The following CELF2 variants were observed in gnomAD, a reference collection of about 807,000 sequenced individuals.
CELF2 encodes CUGBP Elav-like family member 2, also known as CUG triplet repeat RNA-binding protein 2.
In CELF2, 8 loss-of-function variants were observed where a neutral mutation model predicts 62.6. That is an observed-to-expected ratio of 0.13 (90% CI 0.07 to 0.23). The LOEUF is 0.23. Among genes scored for constraint, CELF2 ranks in the 10% least tolerant of loss-of-function variants. The probability of loss-of-function intolerance (pLI) is 1.00; values close to 1 mark genes in which losing one functional copy is unlikely to be tolerated. For synonymous variants in CELF2, 258 were observed against 250.0 expected, an observed-to-expected ratio of 1.03 and a Z score of -0.30; for missense variants, 333 against 671.0, an observed-to-expected ratio of 0.50 and a Z score of 5.56.
chr10:10,650,770 C>T, the CELF2 span, among the ~76,000 whole-genome samples: 2 of 152,176 alleles, frequency 1.3e-5, no homozygotes, highest in Non-Finnish European at 2.9e-5. Context: ...AAAGTTTTAG[C>T]GTTCCTCAAA....
rs1007988859 is a variant in CELF2, at chr10:11,217,093, C to T, written c.272-332C>T. 6.6e-6 allele frequency among the ~76,000 whole-genome samples: 1 copy of T among 152,200 alleles called. No individual in the cohort carries two copies. Among genetic ancestry groups the T allele is most frequent in the Non-Finnish European group, 1.5e-5 (1 of 68,034 alleles). On this transcript the variant is annotated intron_variant, in intron 2 of 12. Coordinates refer to ENST00000633077, the MANE Select transcript of CELF2 (RefSeq NM_001326342.2). The surrounding 1 kb of genome is among the most constrained non-coding windows in gnomAD (Gnocchi z 5.6). ...GTGCTGTTGTTATTGTGATTAAATGCTTCTCTTCACGTAGGTGCTATAACA... is the reference window on the plus strand; with the variant it reads ...GTGCTGTTGTTATTGTGATTAAATGTTTCTCTTCACGTAGGTGCTATAACA...
rs138642827 is a variant in CELF2 at position 10,875,576 on chromosome 10, G to A, written c.54-44388G>A. On this transcript the variant is annotated intron_variant, in intron 1 of 13. Transcript: ENST00000636488. ...TCGCTTTGTTTACTGTAGCGTAGGA[G>A]GGTTGTTTCTCCTCTTCCCTCTTTC... 3.6e-3 allele frequency among the ~76,000 whole-genome samples: 541 copies of A among 152,294 alleles called. 2 individuals are homozygous for A. The highest frequency in any genetic ancestry group is 6.8e-3 in the Middle Eastern group (2 of 294).
At chr10:11,030,440 A>T (rs953640475) in intron 1 of CELF2, 1 of 152,032 alleles carries the variant, frequency 6.6e-6, no homozygotes, top group Admixed American at 6.5e-5. Flanking sequence ...CTGAGGATGC[A>T]CCTCTGTTCC....
chr10:10,715,905 T>G, the CELF2 span, among the ~76,000 whole-genome samples: 3 of 152,238 alleles, frequency 2.0e-5, no homozygotes, highest in Non-Finnish European at 4.4e-5. Context: ...TGTGAAATAT[T>G]GAACCTTTCT....
intron 2 of CELF2, among the ~76,000 whole-genome samples, chr10:10,932,523 A>C (rs1451209253): frequency 6.6e-6 from 1 of 152,224 alleles, no homozygotes; most frequent in Non-Finnish European, 1.5e-5. Context: ...AATATGGGAA[A>C]GTTTTACCTT....
intron 2 of CELF2, among the ~76,000 whole-genome samples, chr10:10,962,943 C>T (rs1389035303): frequency 1.3e-5 from 2 of 152,104 alleles, no homozygotes; most frequent in African/African-American, 2.4e-5. Flanking sequence ...TTTCATCAAA[C>T]GTGCAATGCC....
At position 11,255,109 on chromosome 10, in the gene CELF2, G is replaced by T. The variant is rs1187882913; in HGVS notation, c.404-2629G>T. Among the ~76,000 whole-genome samples, 1 of 152,210 alleles carries T rather than the reference G, an allele frequency of 6.6e-6. No individual in the cohort carries two copies. The highest frequency in any genetic ancestry group is 2.4e-5 in the African/African-American group (1 of 41,442). On this transcript the variant is annotated intron_variant, in intron 4 of 12. Transcript: ENST00000633077. This position sits in a 1 kb window ranked among gnomAD's most constrained non-coding sequence, Gnocchi z 5.5. ...TCTCTCTGGCTTAGCTGTCGCGCCT[G>T]TGCTGCCCATGACTGACCAGGCTTC...
intron 1 of CELF2, among the ~76,000 whole-genome samples, chr10:11,155,846 C>G (rs1181018565): frequency 1.3e-5 from 2 of 152,228 alleles, no homozygotes; most frequent in Admixed American, 6.5e-5. Context: ...CTTCCTTAGC[C>G]TGGCGTTTCA....
intron 2 of CELF2, among the ~76,000 whole-genome samples, chr10:11,216,483 T>C (rs1312867588): frequency 1.3e-5 from 2 of 152,216 alleles, no homozygotes; most frequent in African/African-American, 4.8e-5. Flanking sequence ...GTTAGCATCT[T>C]TGTTTCTTAA....
the CELF2 span, among the ~76,000 whole-genome samples, chr10:10,485,766 GTCTC>G: frequency 6.6e-6 from 1 of 152,136 alleles, no homozygotes; most frequent in East Asian, 1.9e-4. Context: ...GGATTTAACT[GTCTC>G]TATCCTATCC....
At position 11,255,356 on chromosome 10, in the gene CELF2, A is replaced by G. The variant is rs974964187; in HGVS notation, c.404-2382A>G. Among the ~76,000 whole-genome samples the G allele has an allele frequency of 9.9e-5, 15 of 152,124 alleles. No individual in the cohort carries two copies. The highest frequency in any genetic ancestry group is 3.4e-4 in the African/African-American group (14 of 41,426). On this transcript the variant is annotated intron_variant, in intron 4 of 12. Coordinates refer to ENST00000633077, the MANE Select transcript of CELF2 (RefSeq NM_001326342.2). This position sits in a 1 kb window ranked among gnomAD's most constrained non-coding sequence, Gnocchi z 5.5. ...TCCTCACTGAGCTCCTTCTCTGCAC[A>G]TGAAGCGGAAGATGGGGCGTGCCAT...
chr10:10,665,715 A>G, the CELF2 span, among the ~76,000 whole-genome samples: 1 of 152,250 alleles, frequency 6.6e-6, no homozygotes, highest in African/African-American at 2.4e-5. Flanking sequence ...CTATAATTTT[A>G]CAAGTCACTT....
intron 3 of CELF2, among the ~76,000 whole-genome samples, chr10:11,241,807 G>A (rs547509591): frequency 1.1e-4 from 16 of 152,128 alleles, no homozygotes; most frequent in Admixed American, 2.0e-4. Context: ...AGAAGGTCTC[G>A]TGGTGGGGCA....
rs370768529 is a variant in CELF2 at position 10,816,788 on chromosome 10, A to C, written c.53+17971A>C. Among the ~76,000 whole-genome samples, 34 of 152,360 alleles carry C rather than the reference A, an allele frequency of 2.2e-4. No homozygotes were observed. In the East Asian group the frequency reaches 3.8e-3, roughly 17 times the overall value. ...GTAACGATTTGGTTTAGTATGGTCC[A>C]GGTTCAGGTAATGGATTAAAGTTAA... On this transcript the variant is annotated intron_variant, in intron 1 of 13. Coordinates refer to the CELF2 transcript ENST00000636488.
rs2095866863 is a variant in CELF2, at chr10:11,328,429, G to A, written c.1439-497G>A. On this transcript the variant is annotated intron_variant, in intron 12 of 12. Transcript: ENST00000633077. This position sits in a 1 kb window ranked among gnomAD's most constrained non-coding sequence, Gnocchi z 6.4. ...TGGAGAGCTCGAGTGACAGGCTGGGGCTTGGCAGTATCTGCTGTTCTCCAG... is the reference window on the plus strand; with the variant it reads ...TGGAGAGCTCGAGTGACAGGCTGGGACTTGGCAGTATCTGCTGTTCTCCAG... 6.6e-6 allele frequency among the ~76,000 whole-genome samples: 1 copy of A among 152,168 alleles called. No homozygotes were observed. Among genetic ancestry groups the A allele is most frequent in the African/African-American group, 2.4e-5 (1 of 41,432 alleles).
chr10:11,228,112 C>T (rs1178791437), intron 3 of CELF2, among the ~76,000 whole-genome samples: 1 of 152,174 alleles, frequency 6.6e-6, no homozygotes, highest in African/African-American at 2.4e-5. Flanking sequence ...AATGTCAGAA[C>T]AGTAGTCACA....
chr10:11,028,892 T>C (rs759489450), intron 1 of CELF2, among the ~76,000 whole-genome samples: 30 of 152,032 alleles, frequency 2.0e-4, no homozygotes, highest in Non-Finnish European at 3.5e-4. Context: ...TTTTGAACTT[T>C]TAATAGAGAT....
At chr10:11,078,038 G>C (rs971744787) in intron 1 of CELF2, among the ~76,000 whole-genome samples, 1 of 152,160 alleles carries the variant, frequency 6.6e-6, no homozygotes, top group African/African-American at 2.4e-5. Flanking sequence ...AGGTAGGCTA[G>C]AGCAGACCAT....
In CELF2 at chr10:11,017,980, C is replaced by T. The variant is rs1222573255; in HGVS notation, c.-110C>T. On this transcript the variant is annotated 5_prime_UTR_variant, in exon 1 of 13. Coordinates refer to ENST00000633077, the MANE Select transcript of CELF2 (RefSeq NM_001326342.2). This position sits in a 1 kb window ranked among gnomAD's most constrained non-coding sequence, Gnocchi z 5.5. ...AATGTGACAAGTGCCGGCTCGGCGG[C>T]CGCCGGGGGAGGCCGCGCGCACCTG... is the stretch of plus-strand genomic sequence containing the variant. 5 of 991,112 alleles carry T rather than the reference C, an allele frequency of 5.0e-6. No homozygotes were observed. Among genetic ancestry groups the T allele is most frequent in the Non-Finnish European group, 6.0e-6 (5 of 834,868 alleles). 61.4% of individuals were successfully genotyped at this position (991,112 alleles called of 1,614,324 possible). A position where few individuals can be genotyped will look rare whatever the true frequency, so the allele number is the denominator to read the frequency against.
Sources: allele counts gnomAD v4.1 joint callset (sites outside exome capture counted in the v4.1 genomes callset), GRCh38; gene constraint gnomAD v4.1.1; non-coding constraint Gnocchi (gnomAD v3.1); transcripts MANE v1.5; gene names NCBI Gene and HGNC (gene_info 2026-07-23, HGNC 2026-07-21).